Variants in AVEN observed in about 807,000 individuals in gnomAD.
The protein encoded by AVEN is apoptosis and caspase activation inhibitor, also known as cell death regulator Aven.
A neutral mutation model predicts 38.1 loss-of-function variants in AVEN; 41 were observed. The ratio of observed to expected loss-of-function variants is 1.08; its 90% CI spans 0.84 to 1.40. AVEN has a LOEUF of 1.40. Among genes scored for constraint, AVEN ranks in the 40% most tolerant of loss-of-function variants. AVEN has a pLI of 0.00. For synonymous variants in AVEN, 206 were observed against 171.8 expected (o/e 1.20, Z -1.56); for missense variants, 605 against 438.8 (o/e 1.38, Z -3.38).
Position 33,866,344 on chromosome 15 carries a change from G to A in AVEN, c.*269C>T. The A allele has an allele frequency of 2.0e-6, 1 of 492,268 alleles. No individual in the cohort carries two copies. Among genetic ancestry groups the A allele is most frequent in the Admixed American group, 3.7e-5 (1 of 26,794 alleles). 30.5% of individuals were successfully genotyped at this position (492,268 alleles called of 1,614,324 possible). The stretch of plus-strand genomic sequence containing the variant: ...ACTGGCTATGTTGTAAACACTGCAA[G>A]GAAGGAGGCTAGAAACAAGGGCCAG... On this transcript the variant is annotated 3_prime_UTR_variant, in exon 6 of 6. Coordinates refer to ENST00000306730, the MANE Select transcript of AVEN (RefSeq NM_020371.3).
At position 33,900,207 on chromosome 15, in the gene AVEN, C is replaced by T. The variant is rs115130859; in HGVS notation, c.446-24212G>A. Among the ~76,000 whole-genome samples, 1,337 of 152,150 alleles carry T rather than the reference C, an allele frequency of 8.8e-3. 16 individuals are homozygous for T. The highest frequency in any genetic ancestry group is 0.03 in the African/African-American group (1,264 of 41,516). On this transcript the variant is annotated intron_variant, in intron 2 of 5. Transcript: ENST00000306730. ...TGAAACCCTTCAGAATCTAGAAGGT[C>T]ACCTCTCCCACAAAGCCACATTATG...
intron 1 of AVEN, among the ~76,000 whole-genome samples, chr15:34,027,570 G>A (rs1312659780): frequency 6.6e-6 from 1 of 150,876 alleles, no homozygotes; most frequent in Non-Finnish European, 1.5e-5. Context: ...TCACAACTAT[G>A]GTAACTGTGA....
chr15:33,862,028 C>G (rs963034770), downstream of AVEN, among the ~76,000 whole-genome samples: 3 of 152,174 alleles, frequency 2.0e-5, no homozygotes, highest in Admixed American at 6.5e-5. Context: ...TAACAAGTTA[C>G]TTGAACCTAT....
chr15:33,909,533 C>A (rs1212038531), intron 2 of AVEN, among the ~76,000 whole-genome samples: 1 of 152,140 alleles, frequency 6.6e-6, no homozygotes, highest in Non-Finnish European at 1.5e-5. Flanking sequence ...ACTGTCATAA[C>A]ACAAAGGTGA....
At chr15:33,907,199 GT>G (rs1417022380) in intron 2 of AVEN, among the ~76,000 whole-genome samples, 4 of 152,172 alleles carry the variant, frequency 2.6e-5, no homozygotes, top group Non-Finnish European at 5.9e-5. Context: ...AACTCCAGTT[GT>G]TTTCTGACAC....
intron 2 of AVEN, among the ~76,000 whole-genome samples, chr15:33,975,043 A>G (rs1895825060): frequency 6.6e-6 from 1 of 152,170 alleles, no homozygotes. Flanking sequence ...TCCTTCTTTC[A>G]AACACCATCT....
chr15:33,862,080 T>C (rs1597120628), downstream of AVEN, among the ~76,000 whole-genome samples: 2 of 152,056 alleles, frequency 1.3e-5, no homozygotes, highest in Non-Finnish European at 2.9e-5. Flanking sequence ...ACAGAATGTA[T>C]AGAGTGTATA....
chr15:34,072,605 C>CA (rs150270404), intron 1 of AVEN, among the ~76,000 whole-genome samples: 122,849 of 146,082 alleles, frequency 0.84, 53,175 homozygotes, highest in Non-Finnish European at 0.96. Context: ...GATTCTGTAT[C>CA]AAAAAAAAAA....
chr15:33,968,711 C>T (rs1471488154), intron 2 of AVEN: 1 of 152,120 alleles, frequency 6.6e-6, no homozygotes, highest in Non-Finnish European at 1.5e-5. Context: ...AACATCCATG[C>T]TTCTAGTCCA....
chr15:33,903,054 TC>T (rs1892552455), intron 2 of AVEN, among the ~76,000 whole-genome samples: 1 of 152,138 alleles, frequency 6.6e-6, no homozygotes, highest in Admixed American at 6.5e-5. Context: ...AGAGCCCCTC[TC>T]CTACTATCAA....
At chr15:33,946,588 T>C (rs1022910793) in intron 2 of AVEN, among the ~76,000 whole-genome samples, 4 of 152,098 alleles carry the variant, frequency 2.6e-5, no homozygotes. Flanking sequence ...AGCTCAGATG[T>C]CATGACTGCT....
intron 1 of AVEN, among the ~76,000 whole-genome samples, chr15:34,028,526 T>C (rs1306814598): frequency 3.3e-5 from 5 of 152,154 alleles, no homozygotes; most frequent in African/African-American, 9.7e-5. Context: ...CATCATGCCA[T>C]GGGCACTCCA....
chr15:34,073,207 A>ATTTTTT (rs761265891), intron 1 of AVEN, among the ~76,000 whole-genome samples: 2 of 111,848 alleles, frequency 1.8e-5, no homozygotes, highest in East Asian at 2.7e-4. Flanking sequence ...CGCCCGGCTA[A>ATTTTTT]TTTTTTTTTT....
intron 4 of AVEN, chr15:34,064,233 T>C: frequency 6.2e-7 from 1 of 1,614,116 alleles, no homozygotes; most frequent in African/African-American, 1.3e-5. Flanking sequence ...CAGGAAGACC[T>C]TTAAGATGCT....
intron 2 of AVEN, among the ~76,000 whole-genome samples, chr15:33,886,149 T>C (rs1165070710): frequency 6.6e-6 from 1 of 152,196 alleles, no homozygotes; most frequent in African/African-American, 2.4e-5. Flanking sequence ...TCTATCTCTG[T>C]TGATATGGTT....
chr15:34,014,391 C>CAAA (rs1332707712), intron 1 of AVEN, among the ~76,000 whole-genome samples: 2 of 30,922 alleles, frequency 6.5e-5, no homozygotes, highest in African/African-American at 1.2e-4. Context: ...AAAACAAAAA[C>CAAA]AAAAACCACG....
intron 1 of AVEN, among the ~76,000 whole-genome samples, chr15:34,006,566 A>G (rs1182585774): frequency 6.6e-6 from 1 of 152,218 alleles, no homozygotes; most frequent in Non-Finnish European, 1.5e-5. Context: ...TAAAACACCT[A>G]AGGAACGATT....
At chr15:33,957,558 TTTTA>T (rs1194268989) in intron 2 of AVEN, among the ~76,000 whole-genome samples, 14 of 152,136 alleles carry the variant, frequency 9.2e-5, no homozygotes, top group Non-Finnish European at 4.4e-5. Flanking sequence ...TTCACGGAAG[TTTTA>T]TTTATAATAT....
chr15:34,038,728 C>G, intron 1 of AVEN, 52 bp downstream of exon 1: 7 of 1,132,728 alleles, frequency 6.2e-6, no homozygotes, highest in Non-Finnish European at 7.6e-6. Context: ...GGCCTCGGCC[C>G]CACTTGCCCC....
Sources: gnomAD v4.1 joint callset for allele counts (sites outside exome capture counted in the v4.1 genomes callset) on GRCh38, gnomAD v4.1.1 for gene constraint, MANE v1.5 for transcripts, NCBI Gene and HGNC (gene_info 2026-07-23, HGNC 2026-07-21) for gene names.